TECPR2: variants seen among roughly 807,000 people sequenced by gnomAD.
TECPR2 encodes tectonin beta-propeller repeat-containing protein 2.
A neutral mutation model predicts 138.1 loss-of-function variants in TECPR2; 65 were observed. The ratio of observed to expected loss-of-function variants is 0.47; its 90% CI spans 0.39 to 0.58. The LOEUF (loss-of-function observed/expected upper bound fraction) is 0.58, where lower values mean the gene tolerates loss of function less well. TECPR2 is among the 20% of genes least tolerant of loss of function. The pLI is 0.00. For missense variants in TECPR2, 1,553 were observed against 1,824.5 expected, an observed-to-expected ratio of 0.85 and a Z score of 2.71; for synonymous variants, 746 against 749.8, an observed-to-expected ratio of 0.99 and a Z score of 0.08.
In TECPR2 at chr14:102,428,222, GT is replaced by G. The variant is rs565236204; in HGVS notation, c.952-6del. 0.19 allele frequency: 196,565 copies of G among 1,035,442 alleles called. 993 individuals carry two copies. The highest frequency in any genetic ancestry group is 0.25 in the East Asian group (6,431 of 25,694). The allele number at this position is 1,035,442 out of a possible 1,614,324, so 64.1% of individuals were successfully genotyped here. A position where few individuals can be genotyped will look rare whatever the true frequency, so the allele number is the denominator to read the frequency against. On this transcript the variant is annotated intron_variant, in intron 6 of 19. Transcript: ENST00000359520. ...ACCGTTGTTTAGTTTTGTGTTTTTT[GT>G]TTTTTTTTTTTTTTTTTTTTTGACA... is the stretch of plus-strand genomic sequence containing the variant.
At position 102,432,242 on chromosome 14, in the gene TECPR2, CAT is replaced by C. The variant is rs1363842480; in HGVS notation, c.1417+116_1417+117del. Reference sequence around the variant, plus strand: ...TCCATACATCCAAAAGCAGAGAACACATACATTTCTTCCCCAAAGGAGTTTTA... The same window carrying C: ...TCCATACATCCAAAAGCAGAGAACACACATTTCTTCCCCAAAGGAGTTTTA... On this transcript the variant is annotated intron_variant, in intron 8 of 19. Transcript: ENST00000359520. 23 of 1,103,246 alleles carry C rather than the reference CAT, an allele frequency of 2.1e-5. No individual in the cohort carries two copies. In the Admixed American group the frequency reaches 6.8e-4, roughly 33 times the overall value. 68.3% of individuals were successfully genotyped at this position (1,103,246 alleles called of 1,614,324 possible).
At chr14:102,385,429 G>A (rs1887970184) in intron 2 of TECPR2, among the ~76,000 whole-genome samples, 1 of 152,042 alleles carries the variant, frequency 6.6e-6, no homozygotes, top group Non-Finnish European at 1.5e-5. Flanking sequence ...CTAAACCATA[G>A]CAGATATGAT....
rs753119784 is a variant in TECPR2, at chr14:102,499,062, CCA to C, written c.*811_*812del. 4.0e-4 allele frequency: 282 copies of C among 702,444 alleles called. 1 individual carries two copies. The highest frequency in any genetic ancestry group is 2.0e-3 in the Middle Eastern group (9 of 4,392). 43.5% of individuals were successfully genotyped at this position (702,444 alleles called of 1,614,324 possible). On this transcript the variant is annotated 3_prime_UTR_variant, in exon 20 of 20. Coordinates refer to ENST00000359520, the MANE Select transcript of TECPR2 (RefSeq NM_014844.5). ...ACCACACCACACCACACCTCACTGCCCACACACGGCGCAGGCTGCCCGCCTCC... is the reference window on the plus strand; with the variant it reads ...ACCACACCACACCACACCTCACTGCCCACACGGCGCAGGCTGCCCGCCTCC...
intron 13 of TECPR2, 85 bp downstream of exon 13, chr14:102,446,032 A>T: frequency 7.1e-7 from 1 of 1,411,854 alleles, no homozygotes; most frequent in Non-Finnish European, 9.5e-7. Context: ...TTCCTTAACG[A>T]TACTAGATTA....
chr14:102,391,544 G>T (rs1379130479), intron 2 of TECPR2, among the ~76,000 whole-genome samples: 1 of 152,092 alleles, frequency 6.6e-6, no homozygotes, highest in African/African-American at 2.4e-5. Context: ...GGGATTCCAT[G>T]GGTGCTCATT....
chr14:102,451,225 C>A (rs1890133746), intron 15 of TECPR2, among the ~76,000 whole-genome samples: 2 of 152,172 alleles, frequency 1.3e-5, no homozygotes, highest in Non-Finnish European at 1.5e-5. Flanking sequence ...AGGGGCACTT[C>A]CCCCACCCGC....
At chr14:102,477,511 T>C (rs1008114790) in intron 17 of TECPR2, among the ~76,000 whole-genome samples, 1 of 150,856 alleles carries the variant, frequency 6.6e-6, no homozygotes, top group Non-Finnish European at 1.5e-5. Context: ...ACTTTAAATG[T>C]GTGCATTTCA....
Position 102,425,078 on chromosome 14 carries a change from T to C in TECPR2, c.738T>C (p.Asp246=). Residue 246 remains aspartate, a synonymous_variant, in exon 6 of 20, where the codon GAT becomes GAC. Coordinates refer to ENST00000359520, the MANE Select transcript of TECPR2 (RefSeq NM_014844.5). ...SRPGLRLWKA[D]VHGTVQATFI... ...CCGGGCTCCGGCTATGGAAGGCTGA[T>C]GTCCACGGGACTGTTCAAGCCACGT... 1.2e-6 allele frequency: 2 copies of C among 1,614,194 alleles called. No homozygotes were observed. The highest frequency in any genetic ancestry group is 1.3e-5 in the African/African-American group (1 of 75,046).
chr14:102,399,637 T>C (rs1888415853), intron 2 of TECPR2, among the ~76,000 whole-genome samples: 1 of 152,146 alleles, frequency 6.6e-6, no homozygotes, highest in Non-Finnish European at 1.5e-5. Context: ...GAGACCATCT[T>C]GGCCAACATG....
At position 102,443,960 on chromosome 14, in the gene TECPR2, C is replaced by A; in HGVS notation, c.2933+133C>A. On this transcript the variant is annotated intron_variant, in intron 12 of 19. Transcript: ENST00000359520. The surrounding 1 kb of genome is among the most constrained non-coding windows in gnomAD (Gnocchi z 4.9). ...GCAGCCTCCATGGCTATAGGCTAAG[C>A]TTGAATCTCTGCCTAATTCTGACCG... The A allele has an allele frequency of 2.3e-6, 2 of 859,842 alleles. No individual in the cohort carries two copies. Among genetic ancestry groups the A allele is most frequent in the South Asian group, 2.8e-5 (1 of 36,012 alleles). 53.3% of individuals were successfully genotyped at this position (859,842 alleles called of 1,614,324 possible).
chr14:102,431,204 G>A lies in TECPR2; in HGVS notation c.1085-592G>A, dbSNP rs574383458. Reference sequence around the variant, plus strand: ...ACACCCTGCTAAATTTTGAGACTCCGTCTCAAAAATAAATAAATAAATAAA... The same window carrying A: ...ACACCCTGCTAAATTTTGAGACTCCATCTCAAAAATAAATAAATAAATAAA... On this transcript the variant is annotated intron_variant, in intron 7 of 19. Coordinates refer to ENST00000359520, the MANE Select transcript of TECPR2 (RefSeq NM_014844.5). 2.7e-5 allele frequency among the ~76,000 whole-genome samples: 4 copies of A among 146,946 alleles called. No individual in the cohort carries two copies. The East Asian group carries it at 6.0e-4, about 22-fold the overall frequency.
At chr14:102,477,397 T>A (rs1472388201) in intron 17 of TECPR2, among the ~76,000 whole-genome samples, 1 of 151,700 alleles carries the variant, frequency 6.6e-6, no homozygotes, top group Admixed American at 6.6e-5. Context: ...AAGAAAATGC[T>A]AACACAGATC....
At chr14:102,417,170 C>T (rs1889048055) in intron 5 of TECPR2, among the ~76,000 whole-genome samples, 1 of 152,206 alleles carries the variant, frequency 6.6e-6, no homozygotes, top group South Asian at 2.1e-4. Context: ...AATGTGTCCC[C>T]TTCTCAGAAG....
intron 1 of TECPR2, among the ~76,000 whole-genome samples, chr14:102,367,467 C>T (rs1887374647): frequency 6.6e-6 from 1 of 152,312 alleles, no homozygotes; most frequent in South Asian, 2.1e-4. Flanking sequence ...CTACAGCTTG[C>T]CTATTCTAGA....
intron 1 of TECPR2, among the ~76,000 whole-genome samples, chr14:102,375,556 A>G (rs1353007632): frequency 6.6e-6 from 1 of 152,210 alleles, no homozygotes; most frequent in East Asian, 1.9e-4. Flanking sequence ...GATTAATTTG[A>G]TCAGAAGAGG....
chr14:102,474,128 G>A (rs529609425), intron 17 of TECPR2, among the ~76,000 whole-genome samples: 13 of 152,030 alleles, frequency 8.6e-5, no homozygotes, highest in Non-Finnish European at 1.6e-4. Flanking sequence ...GTGTGTTGGC[G>A]TGCACCTGTG....
chr14:102,439,994 C>A (rs555923718), intron 10 of TECPR2, among the ~76,000 whole-genome samples: 3 of 152,282 alleles, frequency 2.0e-5, no homozygotes, highest in African/African-American at 7.2e-5. Flanking sequence ...TCTTTGAATC[C>A]CTAAAGGACT....
chr14:102,402,874 G>C (rs1279803015), intron 2 of TECPR2, among the ~76,000 whole-genome samples: 1 of 152,154 alleles, frequency 6.6e-6, no homozygotes, highest in Non-Finnish European at 1.5e-5. Flanking sequence ...TCTATAATTA[G>C]TAAGAGGATA....
chr14:102,423,252 G>A (rs563443071), intron 5 of TECPR2, among the ~76,000 whole-genome samples: 12 of 152,190 alleles, frequency 7.9e-5, no homozygotes, highest in African/African-American at 2.9e-4. Flanking sequence ...GGCCAACATG[G>A]TAAAACCCCA....
Sources: allele counts gnomAD v4.1 joint callset (sites outside exome capture counted in the v4.1 genomes callset), GRCh38; gene constraint gnomAD v4.1.1; non-coding constraint Gnocchi (gnomAD v3.1); transcripts MANE v1.5; gene names NCBI Gene and HGNC (gene_info 2026-07-23, HGNC 2026-07-21).